Variants in RAPGEF2 observed in about 807,000 individuals in gnomAD.
RAPGEF2 encodes the protein Rap guanine nucleotide exchange factor 2.
In RAPGEF2, 54 loss-of-function variants were observed where a neutral mutation model predicts 186.7. The observed-to-expected ratio is 0.29, with a 90% CI of 0.23 to 0.36. RAPGEF2 has a LOEUF of 0.36. Among genes scored for constraint, RAPGEF2 ranks in the 10% least tolerant of loss-of-function variants. RAPGEF2 has a pLI of 1.00. For missense variants in RAPGEF2, 1,532 were observed against 2,045.0 expected, an observed-to-expected ratio of 0.75 and a Z score of 4.84; for synonymous variants, 712 against 705.9, an observed-to-expected ratio of 1.01 and a Z score of -0.14.
chr4:159,219,510 C>T (rs1233045404), intron 4 of RAPGEF2, among the ~76,000 whole-genome samples: 1 of 151,876 alleles, frequency 6.6e-6, no homozygotes, highest in Admixed American at 6.5e-5. Flanking sequence ...CACCCGCCAC[C>T]ACGTCCGGAT....
intron 1 of RAPGEF2, among the ~76,000 whole-genome samples, chr4:159,125,058 G>A (rs979330181): frequency 6.6e-5 from 10 of 151,428 alleles, no homozygotes; most frequent in African/African-American, 1.9e-4. Flanking sequence ...AGAAATAAAA[G>A]TTAGATGAGA....
intron 1 of RAPGEF2, among the ~76,000 whole-genome samples, chr4:159,138,243 T>C (rs973973982): frequency 6.6e-5 from 10 of 152,130 alleles, no homozygotes; most frequent in Admixed American, 5.2e-4. Context: ...CACACACACA[T>C]ATGCATATAA....
rs748048027 is a variant in RAPGEF2, at chr4:159,104,248, C to A, written c.69+17C>A. On this transcript the variant is annotated intron_variant, in intron 1 of 29. Coordinates refer to ENST00000691494, the MANE Select transcript of RAPGEF2 (RefSeq NM_001394067.2). ...ACCCCCCAGGTGAGAACGCGGCGGC[C>A]GCCTGCCCTTGGCCGGATTTCTGCC... The A allele has an allele frequency of 2.6e-5, 30 of 1,165,394 alleles. No homozygotes were observed. In the South Asian group the frequency reaches 4.2e-4, roughly 16 times the overall value. The allele number at this position is 1,165,394 out of a possible 1,614,324, so 72.2% of individuals were successfully genotyped here.
chr4:159,286,007 CTT>C lies in RAPGEF2; in HGVS notation c.544-18334_544-18333del, dbSNP rs1760409672. 2.0e-5 allele frequency among the ~76,000 whole-genome samples: 3 copies of C among 150,830 alleles called. No homozygotes were observed. The South Asian group carries it at 6.3e-4, about 32-fold the overall frequency. ...GATTTGACATGGCTAAAATACAACT[CTT>C]AACACTTAACTGTTCCCCCCAACCA... On this transcript the variant is annotated intron_variant, in intron 7 of 29. Transcript: ENST00000691494.
chr4:159,311,868 T>G (rs1196337497), intron 8 of RAPGEF2, among the ~76,000 whole-genome samples: 1 of 152,232 alleles, frequency 6.6e-6, no homozygotes, highest in Non-Finnish European at 1.5e-5. Context: ...TTAGAGAATC[T>G]GTAGTATTTT....
At position 159,287,996 on chromosome 4, in the gene RAPGEF2, C is replaced by A. The variant is rs1760730464; in HGVS notation, c.544-16346C>A. On this transcript the variant is annotated intron_variant, in intron 7 of 29. Transcript: ENST00000691494. ...TTCACATCTGTTTTCCATTTGTTCT[C>A]ACAACTGTCTTGTTAGGTAGGCAGT... Among the ~76,000 whole-genome samples, 3 of 152,288 alleles carry A rather than the reference C, an allele frequency of 2.0e-5. No individual in the cohort carries two copies. The East Asian group carries it at 5.8e-4, about 29-fold the overall frequency.
At chr4:159,320,716 C>T (rs763517835) in intron 9 of RAPGEF2, among the ~76,000 whole-genome samples, 11 of 152,034 alleles carry the variant, frequency 7.2e-5, no homozygotes, top group Non-Finnish European at 1.6e-4. Context: ...AATGTTGTAT[C>T]TGGGAAAATA....
At chr4:159,290,329 C>G (rs1322142805) in intron 7 of RAPGEF2, among the ~76,000 whole-genome samples, 1 of 152,142 alleles carries the variant, frequency 6.6e-6, no homozygotes, top group Non-Finnish European at 1.5e-5. Context: ...AGTATTCCTG[C>G]TTTTGTGTAT....
intron 8 of RAPGEF2, among the ~76,000 whole-genome samples, chr4:159,313,005 G>T (rs1264882643): frequency 6.6e-6 from 1 of 152,056 alleles, no homozygotes; most frequent in Admixed American, 6.6e-5. Context: ...AAAATTAGCT[G>T]GGTGTGGTGG....
intron 1 of RAPGEF2, among the ~76,000 whole-genome samples, chr4:159,147,577 AATCAAGAATTTGGAATAAAAG>A (rs1411571282): frequency 4.6e-5 from 7 of 152,224 alleles, no homozygotes; most frequent in African/African-American, 1.7e-4. Context: ...TGATAGAGCA[AATCAAGAATTTGGAATAAAAG>A]ATTATTTTTT....
At chr4:159,302,485 G>C (rs1466884362) in intron 7 of RAPGEF2, among the ~76,000 whole-genome samples, 1 of 152,108 alleles carries the variant, frequency 6.6e-6, no homozygotes, top group Non-Finnish European at 1.5e-5. Flanking sequence ...TGTTTCCCCA[G>C]TTGCCTTCTG....
chr4:159,314,893 A>G, intron 9 of RAPGEF2, 125 bp downstream of exon 9: 1 of 938,340 alleles, frequency 1.1e-6, no homozygotes, highest in East Asian at 2.8e-5. Flanking sequence ...TTTCCTTTGT[A>G]TAAACAGTAG....
intron 1 of RAPGEF2, among the ~76,000 whole-genome samples, chr4:159,127,421 C>G (rs551723894): frequency 1.3e-5 from 2 of 152,274 alleles, no homozygotes; most frequent in South Asian, 4.1e-4. Context: ...TTTTGATTTC[C>G]TCCCTTTTTA....
intron 8 of RAPGEF2, among the ~76,000 whole-genome samples, chr4:159,306,935 G>A (rs1198685411): frequency 7.4e-3 from 3 of 406 alleles, no homozygotes; most frequent in African/African-American, 0.022. Flanking sequence ...CAGAGCTATG[G>A]GATTCAAAAC....
intron 7 of RAPGEF2, among the ~76,000 whole-genome samples, chr4:159,263,525 G>A (rs1387913854): frequency 6.6e-6 from 1 of 152,108 alleles, no homozygotes; most frequent in Non-Finnish European, 1.5e-5. Context: ...CTGTGGTAGT[G>A]GGGAGAGGGA....
intron 7 of RAPGEF2, among the ~76,000 whole-genome samples, chr4:159,277,838 T>C (rs1759124280): frequency 6.6e-6 from 1 of 152,192 alleles, no homozygotes; most frequent in Non-Finnish European, 1.5e-5. Context: ...CTTTGTCAGA[T>C]GGATAGATTG....
chr4:159,144,249 C>CTTAG (rs1268250641), intron 1 of RAPGEF2, among the ~76,000 whole-genome samples: 5 of 152,178 alleles, frequency 3.3e-5, no homozygotes, highest in African/African-American at 1.2e-4. Flanking sequence ...TGCAACTTAC[C>CTTAG]TTAGTCTTAC....
chr4:159,323,710 C>A, intron 11 of RAPGEF2, 93 bp downstream of exon 11: 12 of 724,098 alleles, frequency 1.7e-5, no homozygotes, highest in African/African-American at 1.9e-5. Flanking sequence ...ATATAAATAT[C>A]TTACAAATAA....
intron 7 of RAPGEF2, among the ~76,000 whole-genome samples, chr4:159,244,789 T>C (rs1754421653): frequency 6.6e-6 from 1 of 152,004 alleles, no homozygotes; most frequent in African/African-American, 2.4e-5. Context: ...TTATGTTCTA[T>C]ACAAGAGAGT....
Sources: allele counts gnomAD v4.1 joint callset (sites outside exome capture counted in the v4.1 genomes callset), GRCh38; gene constraint gnomAD v4.1.1; transcripts MANE v1.5; gene names NCBI Gene and HGNC (gene_info 2026-07-23, HGNC 2026-07-21).